Variants in IPO13 observed in about 807,000 individuals in gnomAD.
The protein encoded by IPO13 is importin 13, also known as importin-13.
A neutral mutation model predicts 115.5 loss-of-function variants in IPO13; 28 were observed. The ratio of observed to expected loss-of-function variants is 0.24; its 90% confidence interval spans 0.18 to 0.33. The LOEUF (loss-of-function observed/expected upper bound fraction) is 0.33, where lower values mean the gene tolerates loss of function less well. Among genes scored for constraint, IPO13 ranks in the 10% least tolerant of loss-of-function variants. The pLI is 1.00. For synonymous variants in IPO13, 414 were observed against 478.9 expected (o/e 0.86, Z 1.77); for missense variants, 785 against 1,204.6 (o/e 0.65, Z 5.16).
rs897849379 is a variant in IPO13 at position 43,966,351 on chromosome 1, C to A, written c.2398-224C>A. On this transcript the variant is annotated intron_variant, in intron 15 of 19. Coordinates refer to ENST00000372343, the MANE Select transcript of IPO13 (RefSeq NM_014652.4). This position sits in a 1 kb window ranked among gnomAD's most constrained non-coding sequence, Gnocchi z 4.1. ...CCACCCCCAACCTCTCTCACGTACA[C>A]CTGCGTGTTCATGTACACATACATG... is the stretch of plus-strand genomic sequence containing the variant. The A allele has an allele frequency of 1.7e-5, 10 of 599,922 alleles. No homozygotes were observed. The highest frequency in any genetic ancestry group is 1.1e-4 in the Admixed American group (4 of 35,260). The allele number at this position is 599,922 out of a possible 1,614,324, so 37.2% of individuals were successfully genotyped here. A position where few individuals can be genotyped will look rare whatever the true frequency, so the allele number is the denominator to read the frequency against.
At position 43,950,625 on chromosome 1, in the gene IPO13, G is replaced by A. The variant is rs192428572; in HGVS notation, c.821+472G>A. On this transcript the variant is annotated intron_variant, in intron 2 of 19. Transcript: ENST00000372343. The stretch of plus-strand genomic sequence containing the variant: ...TTCAGTGGCTTCTCAATGCTCTTAG[G>A]TTAAAGCTCAGAATCCTTAATGTGA... Among the ~76,000 whole-genome samples the A allele has an allele frequency of 1.2e-3, 180 of 152,138 alleles. 2 individuals are homozygous for A. Among genetic ancestry groups the A allele is most frequent in the Middle Eastern group, 6.8e-3 (2 of 294 alleles).
intron 1 of IPO13, among the ~76,000 whole-genome samples, chr1:43,948,349 G>T (rs562389178): frequency 3.3e-5 from 5 of 152,322 alleles, no homozygotes; most frequent in Non-Finnish European, 5.9e-5. Flanking sequence ...CTGCCTCTTT[G>T]GTTCTTTTCT....
intron 15 of IPO13, among the ~76,000 whole-genome samples, chr1:43,965,452 AAT>A (rs1175010019): frequency 3.3e-5 from 5 of 152,004 alleles, no homozygotes; most frequent in Admixed American, 2.0e-4. Context: ...AGGAGGGAAG[AAT>A]AGGGAGTGTT....
rs552926041 is a variant in IPO13, at chr1:43,956,482, G to T, written c.962+22G>T. 1.2e-6 allele frequency: 2 copies of T among 1,614,150 alleles called. No homozygotes were observed. The highest frequency in any genetic ancestry group is 1.1e-5 in the South Asian group (1 of 91,082). On this transcript the variant is annotated intron_variant, in intron 3 of 19. Transcript: ENST00000372343. This position sits in a 1 kb window ranked among gnomAD's most constrained non-coding sequence, Gnocchi z 4.7. ...CCCGGTAAAGGGTGGAGCAGCTTGGGGTGGGATAGTAGGGCCCTCTAAGAA... is the reference window on the plus strand; with the variant it reads ...CCCGGTAAAGGGTGGAGCAGCTTGGTGTGGGATAGTAGGGCCCTCTAAGAA...
At chr1:43,962,486 G>A (rs1238372159) in intron 14 of IPO13, among the ~76,000 whole-genome samples, 1 of 152,042 alleles carries the variant, frequency 6.6e-6, no homozygotes, top group East Asian at 1.9e-4. Context: ...TGTTCCCATT[G>A]CCCTCAGCTT....
Position 43,946,973 on chromosome 1 carries a change from C to T in IPO13, c.-628C>T. ...TGGCTTGTCTTGTCAGTCACTGGGG[C>T]GGAGGCAGCGGCTGTAGCGGGGCTG... On this transcript the variant is annotated 5_prime_UTR_variant, in exon 1 of 20. Transcript: ENST00000372343. The T allele has an allele frequency of 5.0e-6, 2 of 396,972 alleles. No homozygotes were observed. The highest frequency in any genetic ancestry group is 8.9e-6 in the Non-Finnish European group (2 of 224,868). The allele number at this position is 396,972 out of a possible 1,614,324, so 24.6% of individuals were successfully genotyped here.
At position 43,958,185 on chromosome 1, in the gene IPO13, G is replaced by A; in HGVS notation, c.1722+27G>A. The A allele has an allele frequency of 6.2e-7, 1 of 1,614,062 alleles. No individual in the cohort carries two copies. The highest frequency in any genetic ancestry group is 8.5e-7 in the Non-Finnish European group (1 of 1,179,974). On this transcript the variant is annotated intron_variant, in intron 8 of 19. Transcript: ENST00000372343. This position sits in a 1 kb window ranked among gnomAD's most constrained non-coding sequence, Gnocchi z 6.3. ...TATGCAGGGGCCCTGGATGGTGCTGGGCCTCAGAGCACACTCTGCACTGTG... is the reference window on the plus strand; with the variant it reads ...TATGCAGGGGCCCTGGATGGTGCTGAGCCTCAGAGCACACTCTGCACTGTG...
rs527262092 is a variant in IPO13 at position 43,949,694 on chromosome 1, C to T, written c.362C>T (p.Thr121Ile). The T allele has an allele frequency of 1.2e-6, 2 of 1,614,258 alleles. No homozygotes were observed. Among genetic ancestry groups the T allele is most frequent in the East Asian group, 2.2e-5 (1 of 44,878 alleles). Residue 121 changes from threonine (T) to isoleucine (I), a missense_variant, in exon 2 of 20, where the codon ACT (threonine) becomes ATT (isoleucine). Thr to Ile is a moderately conservative substitution (Grantham distance 89, BLOSUM62 -1). This residue lies in a region of IPO13 where 325 missense variants were observed against 449.8 expected (regional missense o/e 0.72). Transcript: ENST00000372343. Reference protein sequence around the residue: ...RFASGSKIVLTRLCVALASLA... With the variant: ...RFASGSKIVLIRLCVALASLA... Reference sequence around the variant, plus strand: ...GCCAGTGGCTCCAAGATTGTACTGACTCGGCTGTGCGTGGCACTGGCCTCA... The same window carrying T: ...GCCAGTGGCTCCAAGATTGTACTGATTCGGCTGTGCGTGGCACTGGCCTCA...
intron 11 of IPO13, among the ~76,000 whole-genome samples, chr1:43,959,895 T>C (rs1017104592): frequency 6.6e-6 from 1 of 152,200 alleles, no homozygotes. Context: ...AGATAGCATC[T>C]CCACTTCTTC....
chr1:43,959,304 A>C (rs1451406490), intron 11 of IPO13, among the ~76,000 whole-genome samples: 1 of 152,198 alleles, frequency 6.6e-6, no homozygotes, highest in Non-Finnish European at 1.5e-5. Context: ...CCTCCTCCGC[A>C]TGTAATAGTT....
chr1:43,957,305 A>C lies in IPO13; in HGVS notation c.1382A>C (p.Tyr461Ser). ...GRLLTSSEEP[Y>S]SWQHTEALLY... ...TTGCTCACCAGCTCAGAGGAGCCCTACTCCTGGCAGGTACCTCCCAAGCCT... is the reference window on the plus strand; with the variant it reads ...TTGCTCACCAGCTCAGAGGAGCCCTCCTCCTGGCAGGTACCTCCCAAGCCT... The change falls in exon 6 of 20, where the codon TAC becomes TCC. Residue 461 changes from tyrosine to serine, a missense_variant. Tyr to Ser is a moderately radical substitution (Grantham distance 144). Transcript: ENST00000372343. The C allele has an allele frequency of 1.2e-6, 2 of 1,613,490 alleles. No individual in the cohort carries two copies. The highest frequency in any genetic ancestry group is 1.7e-6 in the Non-Finnish European group (2 of 1,179,784).
intron 13 of IPO13, 66 bp downstream of exon 13, chr1:43,961,079 C>G (rs2085286560): frequency 6.2e-7 from 1 of 1,609,878 alleles, no homozygotes; most frequent in Admixed American, 1.7e-5. Flanking sequence ...GCTGCCGTGG[C>G]TGGGGTCCCC....
chr1:43,954,554 T>C (rs2085231355), intron 2 of IPO13, among the ~76,000 whole-genome samples: 1 of 152,044 alleles, frequency 6.6e-6, no homozygotes, highest in Non-Finnish European at 1.5e-5. Context: ...AACAGAGGGG[T>C]CCCAAGCATC....
At chr1:43,951,803 G>T (rs897442905) in intron 2 of IPO13, among the ~76,000 whole-genome samples, 1 of 152,162 alleles carries the variant, frequency 6.6e-6, no homozygotes, top group Non-Finnish European at 1.5e-5. Flanking sequence ...AGTGGCTGAT[G>T]ACTCAAGCCT....
chr1:43,951,350 G>T (rs1460414916), intron 2 of IPO13, among the ~76,000 whole-genome samples: 2 of 152,166 alleles, frequency 1.3e-5, no homozygotes, highest in African/African-American at 2.4e-5. Context: ...AGAACCCAGA[G>T]GAGGCTTTCA....
rs2085192092 is a variant in IPO13 at position 43,949,683 on chromosome 1, G to A, written c.351G>A (p.Lys117=). Residue 117 remains lysine, a synonymous_variant, in exon 2 of 20, where the codon AAG becomes AAA. Transcript: ENST00000372343. ...TQITRFASGS[K]IVLTRLCVAL... is the part of the protein sequence containing the mutation. ...TCACCCGCTTTGCCAGTGGCTCCAA[G>A]ATTGTACTGACTCGGCTGTGCGTGG... 3 of 1,614,148 alleles carry A rather than the reference G, an allele frequency of 1.9e-6. No individual in the cohort carries two copies. The highest frequency in any genetic ancestry group is 1.1e-5 in the South Asian group (1 of 91,094).
chr1:43,957,852 A>G lies in IPO13; in HGVS notation c.1541-125A>G, dbSNP rs1441084282. ...GCATGCACATGCATATGTCCTCTGA[A>G]TGGGGCAGTACTCTGTGCTGGGGCT... On this transcript the variant is annotated intron_variant, in intron 7 of 19. Coordinates refer to ENST00000372343, the MANE Select transcript of IPO13 (RefSeq NM_014652.4). The G allele has an allele frequency of 1.3e-5, 12 of 895,178 alleles. No individual in the cohort carries two copies. The East Asian group carries it at 2.7e-4, about 20-fold the overall frequency. The allele number at this position is 895,178 out of a possible 1,614,324, so 55.5% of individuals were successfully genotyped here. A position where few individuals can be genotyped will look rare whatever the true frequency, so the allele number is the denominator to read the frequency against.
In IPO13 at chr1:43,964,225, G is replaced by A. The variant is rs1251629713; in HGVS notation, c.2345-44G>A. The A allele has an allele frequency of 2.7e-5, 38 of 1,398,208 alleles. 1 individual carries two copies. In the Admixed American group the frequency reaches 6.5e-4, roughly 24 times the overall value. 86.6% of individuals were successfully genotyped at this position (1,398,208 alleles called of 1,614,324 possible). The stretch of plus-strand genomic sequence containing the variant: ...CATAACTATATGAGGTTGAGTTGCT[G>A]TTTGTATAATTTTTTCTTAAGTTCC... On this transcript the variant is annotated intron_variant, in intron 14 of 19. Transcript: ENST00000372343.
At chr1:43,951,924 T>C (rs2085212015) in intron 2 of IPO13, among the ~76,000 whole-genome samples, 1 of 152,188 alleles carries the variant, frequency 6.6e-6, no homozygotes, top group South Asian at 2.1e-4. Flanking sequence ...ATGGGGATGA[T>C]CATATCAACC....
Sources: allele counts gnomAD v4.1 joint callset (sites outside exome capture counted in the v4.1 genomes callset), GRCh38; gene constraint gnomAD v4.1.1; regional missense constraint gnomAD v4.1.1; non-coding constraint Gnocchi (gnomAD v3.1); transcripts MANE v1.5; gene names NCBI Gene and HGNC (gene_info 2026-07-23, HGNC 2026-07-21).